The following SPSB4 variants were observed in gnomAD, a reference collection of about 807,000 sequenced individuals.
SPSB4 encodes SPRY domain-containing SOCS box protein 4.
A neutral mutation model predicts 20.9 loss-of-function variants in SPSB4; 21 were observed. The ratio of observed to expected loss-of-function variants is 1.01; its 90% CI spans 0.71 to 1.45. SPSB4 has a LOEUF of 1.45. Ranked by LOEUF, SPSB4 falls within the 40% of genes most tolerant of loss-of-function variation. The pLI is 0.00. For missense variants in SPSB4, 399 were observed against 399.2 expected, an observed-to-expected ratio of 1.00 and a Z score of 0.00; for synonymous variants, 207 against 183.8, an observed-to-expected ratio of 1.13 and a Z score of -1.02.
chr3:141,124,789 C>T (rs138713813), intron 2 of SPSB4, among the ~76,000 whole-genome samples: 52 of 152,058 alleles, frequency 3.4e-4, no homozygotes, highest in African/African-American at 8.9e-4. Context: ...GGTTTCACTG[C>T]GGAGAGTTGA....
chr3:141,122,910 C>T (rs757117353), intron 2 of SPSB4, among the ~76,000 whole-genome samples: 46 of 152,302 alleles, frequency 3.0e-4, no homozygotes, highest in Non-Finnish European at 4.7e-4. Context: ...GGTGAGGCGA[C>T]GCCCCGTCCT....
chr3:141,072,406 G>A (rs1030818008), intron 2 of SPSB4, among the ~76,000 whole-genome samples: 1 of 152,176 alleles, frequency 6.6e-6, no homozygotes, highest in Admixed American at 6.5e-5. Flanking sequence ...GTTGGTGGGA[G>A]GTGATTGGGC....
At chr3:141,078,309 G>A (rs1045493213) in intron 2 of SPSB4, among the ~76,000 whole-genome samples, 4 of 152,320 alleles carry the variant, frequency 2.6e-5, no homozygotes, top group African/African-American at 4.8e-5. Flanking sequence ...GGCTTGGAAC[G>A]TGTGTGTCAC....
In SPSB4 at chr3:141,147,369, TCTC is replaced by T. The variant is rs1180480507; in HGVS notation, c.*103_*105del. 5 of 1,546,422 alleles carry T rather than the reference TCTC, an allele frequency of 3.2e-6. No individual in the cohort carries two copies. The highest frequency in any genetic ancestry group is 1.2e-5 in the South Asian group (1 of 83,968). On this transcript the variant is annotated 3_prime_UTR_variant, in exon 3 of 3. Coordinates refer to ENST00000310546, the MANE Select transcript of SPSB4 (RefSeq NM_080862.3). ...GCACATAGGGGAAAGGATCTACCCT[TCTC>T]CTGGCTCCCCAGGACACTCAGTTCT...
At chr3:141,093,122 G>A (rs1302375226) in intron 2 of SPSB4, among the ~76,000 whole-genome samples, 1 of 151,822 alleles carries the variant, frequency 6.6e-6, no homozygotes, top group Non-Finnish European at 1.5e-5. Context: ...ATGGGAAGAG[G>A]TGGTGGAAGA....
At chr3:141,096,111 C>T (rs542554638) in intron 2 of SPSB4, among the ~76,000 whole-genome samples, 1 of 152,200 alleles carries the variant, frequency 6.6e-6, no homozygotes, top group East Asian at 1.9e-4. Context: ...GGAATAACGC[C>T]TGAGACAGAA....
intron 2 of SPSB4, among the ~76,000 whole-genome samples, chr3:141,131,482 C>A (rs375582307): frequency 3.3e-5 from 5 of 152,006 alleles, no homozygotes; most frequent in Non-Finnish European, 5.9e-5. Flanking sequence ...TCCAGCCCCC[C>A]CTTCCCAACC....
At chr3:141,073,834 G>A (rs1051656140) in intron 2 of SPSB4, among the ~76,000 whole-genome samples, 1 of 152,110 alleles carries the variant, frequency 6.6e-6, no homozygotes, top group African/African-American at 2.4e-5. Flanking sequence ...CAGCACATCT[G>A]TCCCTGCACA....
chr3:141,107,548 A>G (rs1938717993), intron 2 of SPSB4, among the ~76,000 whole-genome samples: 1 of 152,244 alleles, frequency 6.6e-6, no homozygotes, highest in African/African-American at 2.4e-5. Context: ...GAAGAAAGGT[A>G]GTCCCTTAGG....
chr3:141,125,936 T>C (rs1179932614), intron 2 of SPSB4, among the ~76,000 whole-genome samples: 1 of 152,190 alleles, frequency 6.6e-6, no homozygotes, highest in Non-Finnish European at 1.5e-5. Context: ...GATCCTAGCC[T>C]TTCCTCTATG....
At chr3:141,120,918 G>A (rs990142314) in intron 2 of SPSB4, among the ~76,000 whole-genome samples, 13 of 152,160 alleles carry the variant, frequency 8.5e-5, no homozygotes, top group African/African-American at 2.7e-4. Context: ...TACATTTAAG[G>A]TTAGTATTGT....
intron 2 of SPSB4, among the ~76,000 whole-genome samples, chr3:141,124,880 G>T (rs1247674636): frequency 1.3e-5 from 2 of 152,140 alleles, no homozygotes; most frequent in African/African-American, 4.8e-5. Context: ...TGCTTCTGAT[G>T]CAGTAGGTCA....
At position 141,097,548 on chromosome 3, in the gene SPSB4, G is replaced by C. The variant is rs181041098; in HGVS notation, c.694+30750G>C. Among the ~76,000 whole-genome samples, 7 of 152,078 alleles carry C rather than the reference G, an allele frequency of 4.6e-5. No individual in the cohort carries two copies. The South Asian group carries it at 6.2e-4, about 14-fold the overall frequency. The stretch of plus-strand genomic sequence containing the variant: ...GCTGGGATTACAGGCATGAGCCACC[G>C]TGCTTAGCCACACATTTCCCATATT... On this transcript the variant is annotated intron_variant, in intron 2 of 2. Coordinates refer to ENST00000310546, the MANE Select transcript of SPSB4 (RefSeq NM_080862.3).
At chr3:141,063,311 G>C (rs1226452043) in intron 1 of SPSB4, among the ~76,000 whole-genome samples, 1 of 152,128 alleles carries the variant, frequency 6.6e-6, no homozygotes, top group African/African-American at 2.4e-5. Context: ...TTTTTCCCCA[G>C]TCTTATAATC....
chr3:141,108,695 T>C (rs59939034), intron 2 of SPSB4, among the ~76,000 whole-genome samples: 2,170 of 152,288 alleles, frequency 0.014, 56 homozygotes, highest in African/African-American at 0.05. Flanking sequence ...TGAGCATTAA[T>C]AAAGGGCTCT....
intron 2 of SPSB4, among the ~76,000 whole-genome samples, chr3:141,069,771 T>A (rs1416868147): frequency 6.6e-6 from 1 of 152,184 alleles, no homozygotes; most frequent in Non-Finnish European, 1.5e-5. Context: ...TTGGTGCCCC[T>A]GTGTTGATTA....
intron 2 of SPSB4, among the ~76,000 whole-genome samples, chr3:141,083,681 G>T (rs1409583540): frequency 1.3e-5 from 2 of 152,042 alleles, no homozygotes; most frequent in African/African-American, 4.8e-5. Context: ...ATCCTTTCTG[G>T]AGGCTCCGAG....
intron 2 of SPSB4, among the ~76,000 whole-genome samples, chr3:141,123,393 C>T (rs1939001285): frequency 6.6e-6 from 1 of 152,208 alleles, no homozygotes; most frequent in South Asian, 2.1e-4. Context: ...TTGCTCTTTT[C>T]CTTATAGATT....
intron 2 of SPSB4, among the ~76,000 whole-genome samples, chr3:141,128,496 G>T (rs1219688949): frequency 6.6e-6 from 1 of 152,128 alleles, no homozygotes; most frequent in Non-Finnish European, 1.5e-5. Flanking sequence ...GAAGGTGGGT[G>T]TGGAGCTTTG....
Sources: gnomAD v4.1 joint callset for allele counts (sites outside exome capture counted in the v4.1 genomes callset) on GRCh38, gnomAD v4.1.1 for gene constraint, MANE v1.5 for transcripts, NCBI Gene and HGNC (gene_info 2026-07-23, HGNC 2026-07-21) for gene names.